TTC27: variants seen among roughly 807,000 people sequenced by gnomAD.
The protein encoded by TTC27 is tetratricopeptide repeat domain 27, also known as tetratricopeptide repeat protein 27.
A neutral mutation model predicts 115.9 loss-of-function variants in TTC27; 79 were observed. The observed-to-expected ratio is 0.68, with a 90% CI of 0.57 to 0.82. The LOEUF is 0.82. TTC27 is among the 40% of genes least tolerant of loss of function. The pLI is 0.00. For synonymous variants in TTC27, 401 were observed against 356.0 expected, an observed-to-expected ratio of 1.13 and a Z score of -1.42; for missense variants, 1,054 against 993.1, an observed-to-expected ratio of 1.06 and a Z score of -0.82.
intron 8 of TTC27, among the ~76,000 whole-genome samples, chr2:32,677,500 A>T (rs1449783162): frequency 6.6e-6 from 1 of 151,942 alleles, no homozygotes; most frequent in Non-Finnish European, 1.5e-5. Flanking sequence ...CTCAGGCTGG[A>T]GTGCAATGGC....
At chr2:32,670,369 C>T (rs538191556) in intron 7 of TTC27, among the ~76,000 whole-genome samples, 14 of 152,218 alleles carry the variant, frequency 9.2e-5, no homozygotes, top group African/African-American at 2.4e-4. Flanking sequence ...CAAAGAGTGC[C>T]GCCATAGTTC....
At chr2:32,778,384 A>G (rs1042359601) in intron 14 of TTC27, among the ~76,000 whole-genome samples, 25 of 152,200 alleles carry the variant, frequency 1.6e-4, no homozygotes, top group African/African-American at 5.1e-4. Flanking sequence ...ATACAATTCA[A>G]TGATTTTTAG....
chr2:32,802,025 C>T (rs1290822645), intron 16 of TTC27, among the ~76,000 whole-genome samples: 1 of 151,974 alleles, frequency 6.6e-6, no homozygotes, highest in African/African-American at 2.4e-5. Context: ...CCCTGACATA[C>T]CCTGAAAGAA....
intron 12 of TTC27, among the ~76,000 whole-genome samples, chr2:32,749,376 A>G (rs1247251775): frequency 6.6e-6 from 1 of 152,202 alleles, no homozygotes; most frequent in East Asian, 1.9e-4. Context: ...CTGCCAGGCC[A>G]CTAGTTTTCA....
intron 13 of TTC27, among the ~76,000 whole-genome samples, chr2:32,773,721 A>G (rs1669904475): frequency 6.6e-6 from 1 of 152,252 alleles, no homozygotes; most frequent in Non-Finnish European, 1.5e-5. Flanking sequence ...CTTGGCACAC[A>G]TAGCAGATGC....
At position 32,799,224 on chromosome 2, in the gene TTC27, G is replaced by A. The variant is rs200655997; in HGVS notation, c.1999-11800G>A. Among the ~76,000 whole-genome samples, 706 of 121,816 alleles carry A rather than the reference G, an allele frequency of 5.8e-3. 2 individuals are homozygous for A. Among genetic ancestry groups the A allele is most frequent in the African/African-American group, 0.024 (661 of 27,994 alleles). 79.9% of individuals were successfully genotyped at this position (121,816 alleles called of 152,430 possible). On this transcript the variant is annotated intron_variant, in intron 16 of 19. Transcript: ENST00000317907. ...AGAAAGTAGAATGGTCGTTGGGGCT[G>A]AAGAGAGGAGGAATGAAGAGTTATG...
chr2:32,769,935 A>G (rs2148005962), intron 13 of TTC27, among the ~76,000 whole-genome samples: 1 of 152,336 alleles, frequency 6.6e-6, no homozygotes, highest in South Asian at 2.1e-4. Flanking sequence ...AATAGGCAAC[A>G]TGCTTTGGGT....
At chr2:32,809,164 C>T (rs1671234831) in intron 16 of TTC27, among the ~76,000 whole-genome samples, 1 of 152,176 alleles carries the variant, frequency 6.6e-6, no homozygotes, top group Non-Finnish European at 1.5e-5. Flanking sequence ...TCCAGAGGAG[C>T]CCCTACTCCT....
chr2:32,651,408 G>A (rs1665121114), intron 5 of TTC27, among the ~76,000 whole-genome samples: 1 of 152,108 alleles, frequency 6.6e-6, no homozygotes, highest in Admixed American at 6.5e-5. Context: ...GTGCAATGGC[G>A]CAATCTCGGC....
intron 15 of TTC27, among the ~76,000 whole-genome samples, chr2:32,786,139 T>A (rs1572612347): frequency 6.9e-6 from 1 of 145,868 alleles, no homozygotes; most frequent in South Asian, 2.2e-4. Flanking sequence ...TTTTTTTTTT[T>A]AACATGGAGT....
rs1490561526 is a variant in TTC27, at chr2:32,811,023, G to A, written c.1999-1G>A. 6.2e-7 allele frequency: 1 copy of A among 1,613,914 alleles called. No homozygotes were observed. The highest frequency in any genetic ancestry group is 8.5e-7 in the Non-Finnish European group (1 of 1,179,984). ...ACCAGTTTGTTCTGTGCATTTTTAA[G>A]GTCCTTAAAATTCTAGTCAGGGCAG... On this transcript the variant is annotated splice_acceptor_variant, in intron 16 of 19. Coordinates refer to ENST00000317907, the MANE Select transcript of TTC27 (RefSeq NM_017735.5). LOFTEE classifies it high-confidence loss of function.
At chr2:32,755,904 A>G (rs1028765544) in intron 12 of TTC27, among the ~76,000 whole-genome samples, 2 of 152,200 alleles carry the variant, frequency 1.3e-5, no homozygotes, top group Non-Finnish European at 2.9e-5. Context: ...CTATCACTCA[A>G]TATGCAAAGC....
intron 12 of TTC27, among the ~76,000 whole-genome samples, chr2:32,752,637 C>G (rs36051085): frequency 0.13 from 19,945 of 152,158 alleles, 1,621 homozygotes; most frequent in Middle Eastern, 0.26. Flanking sequence ...ATCAGCCGTT[C>G]TTTTTGCATG....
At chr2:32,684,125 C>T (rs1319465641) in intron 9 of TTC27, among the ~76,000 whole-genome samples, 1 of 152,002 alleles carries the variant, frequency 6.6e-6, no homozygotes, top group Non-Finnish European at 1.5e-5. Flanking sequence ...GCCACTGCAC[C>T]CCAGGCTGCA....
chr2:32,641,764 C>T (rs1160569886), intron 4 of TTC27, among the ~76,000 whole-genome samples: 1 of 152,204 alleles, frequency 6.6e-6, no homozygotes, highest in Admixed American at 6.5e-5. Context: ...CCACAACCTC[C>T]ACCTCCTGGG....
chr2:32,667,687 A>T (rs1315445209), intron 7 of TTC27, among the ~76,000 whole-genome samples: 3 of 145,910 alleles, frequency 2.1e-5, no homozygotes, highest in African/African-American at 7.4e-5. Flanking sequence ...AAGTGCTGGG[A>T]TTACAGGCGT....
chr2:32,750,924 T>C (rs1668987779), intron 12 of TTC27, among the ~76,000 whole-genome samples: 2 of 152,222 alleles, frequency 1.3e-5, no homozygotes, highest in African/African-American at 2.4e-5. Flanking sequence ...GTTAGCATGA[T>C]GTCATCAAGG....
intron 9 of TTC27, among the ~76,000 whole-genome samples, chr2:32,699,694 C>G (rs999194234): frequency 6.6e-6 from 1 of 152,166 alleles, no homozygotes; most frequent in African/African-American, 2.4e-5. Flanking sequence ...CAATTGCTCC[C>G]TTTCAGAAAG....
chr2:32,709,969 G>A (rs542766756), intron 10 of TTC27, among the ~76,000 whole-genome samples: 20 of 152,216 alleles, frequency 1.3e-4, no homozygotes, highest in African/African-American at 4.3e-4. Context: ...TTACATTATG[G>A]AAAAAGTTTA....
Sources: gnomAD v4.1 joint callset for allele counts (sites outside exome capture counted in the v4.1 genomes callset) on GRCh38, gnomAD v4.1.1 for gene constraint, MANE v1.5 for transcripts, NCBI Gene and HGNC (gene_info 2026-07-23, HGNC 2026-07-21) for gene names.